CEP112: variants seen among roughly 807,000 people sequenced by gnomAD.
The protein encoded by CEP112 is centrosomal protein of 112 kDa.
A neutral mutation model predicts 153.0 loss-of-function variants in CEP112; 127 were observed. The observed-to-expected ratio is 0.83, with a 90% CI of 0.72 to 0.96. CEP112 has a LOEUF of 0.96. Ranked by LOEUF, CEP112 falls within the 40% of genes least tolerant of loss-of-function variation. CEP112 has a pLI of 0.00. For missense variants in CEP112, 1,089 were observed against 1,101.2 expected, an observed-to-expected ratio of 0.99 and a Z score of 0.16; for synonymous variants, 358 against 374.4, an observed-to-expected ratio of 0.96 and a Z score of 0.51.
chr17:65,881,354 G>A (rs1016766545), intron 20 of CEP112, among the ~76,000 whole-genome samples: 2 of 151,786 alleles, frequency 1.3e-5, no homozygotes, highest in African/African-American at 4.8e-5. Flanking sequence ...ATGAGAACAG[G>A]CACAGCCAAG....
At chr17:66,167,537 T>C (rs1483719970) in intron 4 of CEP112, among the ~76,000 whole-genome samples, 1 of 152,130 alleles carries the variant, frequency 6.6e-6, no homozygotes, top group Non-Finnish European at 1.5e-5. Context: ...AGAAGTGGAA[T>C]GTGAACAAAG....
intron 8 of CEP112, among the ~76,000 whole-genome samples, chr17:66,072,546 A>C (rs1370930871): frequency 6.6e-6 from 1 of 152,154 alleles, no homozygotes; most frequent in Non-Finnish European, 1.5e-5. Flanking sequence ...ATGTTTCCTC[A>C]TGACTAGGTT....
intron 17 of CEP112, among the ~76,000 whole-genome samples, chr17:65,982,831 T>G (rs1410283482): frequency 6.6e-6 from 1 of 152,144 alleles, no homozygotes; most frequent in Admixed American, 6.5e-5. Context: ...AATAGTTGAG[T>G]AGGTAAACTA....
intron 21 of CEP112, among the ~76,000 whole-genome samples, chr17:65,774,350 G>A (rs1445661870): frequency 6.6e-6 from 1 of 152,132 alleles, no homozygotes; most frequent in East Asian, 1.9e-4. Flanking sequence ...GCCCCATATA[G>A]GTCAGGGGTC....
intron 19 of CEP112, among the ~76,000 whole-genome samples, chr17:65,920,362 A>AATATATATATATATATATAT (rs55934550): frequency 1.9e-3 from 80 of 42,714 alleles, no homozygotes; most frequent in East Asian, 6.0e-3. Flanking sequence ...AAACAAACAA[A>AATATATATATATATATATAT]ATATATATAT....
chr17:66,002,517 G>C (rs150036013), intron 17 of CEP112, among the ~76,000 whole-genome samples: 172 of 152,224 alleles, frequency 1.1e-3, no homozygotes, highest in African/African-American at 3.9e-3. Flanking sequence ...GACAAAACTA[G>C]TAGAGACCAG....
chr17:66,121,044 C>T (rs1274198563), intron 6 of CEP112, among the ~76,000 whole-genome samples: 5 of 151,896 alleles, frequency 3.3e-5, no homozygotes, highest in Non-Finnish European at 5.9e-5. Flanking sequence ...TTTGGGAGGC[C>T]GAGGCGGGCG....
intron 4 of CEP112, among the ~76,000 whole-genome samples, chr17:66,135,338 C>T (rs1420300826): frequency 6.6e-6 from 1 of 152,168 alleles, no homozygotes; most frequent in African/African-American, 2.4e-5. Context: ...CTGGAAACAA[C>T]TTAAACTCTA....
chr17:65,795,082 C>T (rs915716954), intron 21 of CEP112, among the ~76,000 whole-genome samples: 4 of 152,122 alleles, frequency 2.6e-5, no homozygotes, highest in Admixed American at 2.6e-4. Flanking sequence ...AACACAAAAC[C>T]TATGAGGCTG....
chr17:65,674,150 T>C (rs1187338829), intron 24 of CEP112, among the ~76,000 whole-genome samples: 1 of 152,198 alleles, frequency 6.6e-6, no homozygotes, highest in Non-Finnish European at 1.5e-5. Context: ...GGATTACAGA[T>C]GTGAGCCACC....
At chr17:65,640,907 G>A in intron 25 of CEP112, 57 bp downstream of exon 25, 1 of 951,618 alleles carries the variant, frequency 1.1e-6, no homozygotes, top group South Asian at 1.4e-5. Flanking sequence ...TTATTTGCAA[G>A]TTTCTTTTCA....
intron 1 of CEP112, among the ~76,000 whole-genome samples, chr17:66,187,151 T>C (rs2072968002): frequency 1.3e-5 from 2 of 150,960 alleles, no homozygotes; most frequent in Admixed American, 6.6e-5. Flanking sequence ...ACCACTTAAC[T>C]TGAACTACTG....
At chr17:65,772,792 T>C (rs2053449627) in intron 21 of CEP112, among the ~76,000 whole-genome samples, 1 of 151,198 alleles carries the variant, frequency 6.6e-6, no homozygotes, top group African/African-American at 2.4e-5. Flanking sequence ...GCATAATAAG[T>C]GTCATGAAAG....
intron 20 of CEP112, among the ~76,000 whole-genome samples, chr17:65,865,254 A>C (rs780967028): frequency 1.3e-4 from 20 of 151,822 alleles, no homozygotes; most frequent in Non-Finnish European, 2.5e-4. Context: ...GTTGCCCAGG[A>C]TGGTCTGGAA....
chr17:65,721,567 T>C (rs961672856), intron 23 of CEP112, among the ~76,000 whole-genome samples: 1 of 152,318 alleles, frequency 6.6e-6, no homozygotes, highest in South Asian at 2.1e-4. Context: ...TCATCTAGCA[T>C]CATAGAAACA....
chr17:66,153,902 C>A (rs1234557071), intron 4 of CEP112, among the ~76,000 whole-genome samples: 4 of 151,806 alleles, frequency 2.6e-5, no homozygotes, highest in Non-Finnish European at 5.9e-5. Context: ...GTGGCTCACA[C>A]CTGTAATCCC....
intron 19 of CEP112, among the ~76,000 whole-genome samples, chr17:65,925,116 T>C (rs913516540): frequency 6.6e-6 from 1 of 152,152 alleles, no homozygotes; most frequent in African/African-American, 2.4e-5. Flanking sequence ...CAGGTGGAGA[T>C]AATTAAATCA....
rs114124027 is a variant in CEP112, at chr17:66,017,449, T to A, written c.1656+10052A>T. On this transcript the variant is annotated intron_variant, in intron 16 of 26. Transcript: ENST00000535342. ...GGGGTTTCTTAAGGTAGAAGCTGTTTCTCATTTTTATATCCCTAGGACCCA... is the reference window on the plus strand; with the variant it reads ...GGGGTTTCTTAAGGTAGAAGCTGTTACTCATTTTTATATCCCTAGGACCCA... Among the ~76,000 whole-genome samples, 205 of 152,328 alleles carry A rather than the reference T, an allele frequency of 1.3e-3. 1 individual carries two copies. The highest frequency in any genetic ancestry group is 4.0e-3 in the African/African-American group (167 of 41,582).
At chr17:65,862,488 T>C (rs921521850) in intron 20 of CEP112, among the ~76,000 whole-genome samples, 1 of 152,138 alleles carries the variant, frequency 6.6e-6, no homozygotes, top group African/African-American at 2.4e-5. Context: ...CTCAGGAGGC[T>C]GAGGCAGGAG....
Sources: gnomAD v4.1 joint callset for allele counts (sites outside exome capture counted in the v4.1 genomes callset) on GRCh38, gnomAD v4.1.1 for gene constraint, MANE v1.5 for transcripts, NCBI Gene and HGNC (gene_info 2026-07-23, HGNC 2026-07-21) for gene names.